The following ASB3 variants were observed in gnomAD, a reference collection of about 807,000 sequenced individuals.
ASB3 encodes ankyrin repeat and SOCS box protein 3.
Under a neutral mutation model 54.5 loss-of-function variants are expected in ASB3, and 41 were observed. The observed-to-expected ratio is 0.75, with a 90% confidence interval of 0.59 to 0.98. The LOEUF is 0.98. ASB3 is among the 50% of genes least tolerant of loss of function. ASB3 has a pLI of 0.00. For synonymous variants in ASB3, 266 were observed against 221.2 expected (o/e 1.20, Z -1.80); for missense variants, 733 against 620.0 (o/e 1.18, Z -1.94).
chr2:53,746,518 T>C (rs565091359), intron 3 of ASB3, among the ~76,000 whole-genome samples: 51 of 151,240 alleles, frequency 3.4e-4, no homozygotes, highest in African/African-American at 1.1e-3. Flanking sequence ...GTTATTGTTG[T>C]CCAAGCTGGA....
chr2:53,729,616 T>A (rs764080512), intron 3 of ASB3, 46 bp from the exon 4 acceptor site: 1 of 1,540,812 alleles, frequency 6.5e-7, no homozygotes. Context: ...AAAAGGCATG[T>A]TTGTAGGACT....
At chr2:53,678,274 A>T (rs562766590) in intron 9 of ASB3, among the ~76,000 whole-genome samples, 67 of 152,256 alleles carry the variant, frequency 4.4e-4, no homozygotes, top group Admixed American at 3.4e-3. Flanking sequence ...CTGCAGCTTT[A>T]TACCCTTTGA....
At chr2:53,745,579 T>C (rs1306892153) in intron 3 of ASB3, among the ~76,000 whole-genome samples, 1 of 152,166 alleles carries the variant, frequency 6.6e-6, no homozygotes, top group African/African-American at 2.4e-5. Context: ...CCAACACACC[T>C]CTCATGTCAA....
intron 1 of ASB3, among the ~76,000 whole-genome samples, chr2:53,784,839 C>G (rs924026793): frequency 2.0e-5 from 3 of 152,212 alleles, no homozygotes; most frequent in Non-Finnish European, 4.4e-5. Context: ...GGGGATAGGA[C>G]TTAAACATGT....
At chr2:53,772,165 T>C (rs767920225) in intron 1 of ASB3, among the ~76,000 whole-genome samples, 34 of 148,972 alleles carry the variant, frequency 2.3e-4, no homozygotes, top group Non-Finnish European at 2.2e-4. Context: ...ACAAATAGCA[T>C]GTAGTTTTCG....
chr2:53,784,156 T>A (rs966523156), intron 1 of ASB3, among the ~76,000 whole-genome samples: 1 of 152,254 alleles, frequency 6.6e-6, no homozygotes, highest in Non-Finnish European at 1.5e-5. Flanking sequence ...TAGCGAATGA[T>A]GATTGTATAA....
intron 5 of ASB3, among the ~76,000 whole-genome samples, chr2:53,720,666 A>C (rs983284313): frequency 2.0e-5 from 3 of 152,194 alleles, no homozygotes; most frequent in African/African-American, 7.2e-5. Flanking sequence ...ACAGCATTAG[A>C]CAGATCACTG....
chr2:53,704,813 T>C (rs1669681463), intron 7 of ASB3, among the ~76,000 whole-genome samples: 1 of 152,332 alleles, frequency 6.6e-6, no homozygotes, highest in East Asian at 1.9e-4. Context: ...AAACAAAGAT[T>C]CTGCATTTTA....
chr2:53,733,459 T>C (rs1457671945), intron 3 of ASB3, among the ~76,000 whole-genome samples: 1 of 143,868 alleles, frequency 7.0e-6, no homozygotes, highest in Non-Finnish European at 1.5e-5. Context: ...TTTTTTTTTT[T>C]AAGATGGATT....
chr2:53,733,964 T>A (rs1671471386), intron 3 of ASB3, among the ~76,000 whole-genome samples: 1 of 152,174 alleles, frequency 6.6e-6, no homozygotes, highest in Non-Finnish European at 1.5e-5. Flanking sequence ...AATAAAGGGA[T>A]GGGTTTGGCT....
intron 2 of ASB3, among the ~76,000 whole-genome samples, chr2:53,758,066 G>GA (rs1055189227): frequency 5.3e-5 from 8 of 152,104 alleles, no homozygotes; most frequent in Non-Finnish European, 1.0e-4. Context: ...AAGTAGTAAA[G>GA]AAAAAACAGT....
chr2:53,715,778 G>A (rs751995439), intron 6 of ASB3, among the ~76,000 whole-genome samples: 3 of 151,840 alleles, frequency 2.0e-5, no homozygotes, highest in Non-Finnish European at 2.9e-5. Flanking sequence ...GTCACCTAGT[G>A]GCATAATGAC....
At chr2:53,769,883 A>G (rs1673774483) in intron 1 of ASB3, among the ~76,000 whole-genome samples, 1 of 152,230 alleles carries the variant, frequency 6.6e-6, no homozygotes, top group African/African-American at 2.4e-5. Flanking sequence ...CTGATCACCT[A>G]AGACTCAGAA....
chr2:53,714,599 C>G lies in ASB3; in HGVS notation c.783-18G>C. ...CCAAGATTCTATAAATACACAAATT[C>G]AGGAGAATTTAGTGTTTGTATATGT... On this transcript the variant is annotated intron_variant, in intron 6 of 9. Coordinates refer to ENST00000263634, the MANE Select transcript of ASB3 (RefSeq NM_016115.5). 1 of 1,611,778 alleles carries G rather than the reference C, an allele frequency of 6.2e-7. No homozygotes were observed. Among genetic ancestry groups the G allele is most frequent in the Non-Finnish European group, 8.5e-7 (1 of 1,178,846 alleles).
At chr2:53,680,513 A>T (rs1275465602) in intron 9 of ASB3, among the ~76,000 whole-genome samples, 1 of 152,172 alleles carries the variant, frequency 6.6e-6, no homozygotes, top group Non-Finnish European at 1.5e-5. Context: ...ACTTTTTTTC[A>T]TATGATTGTT....
At chr2:53,690,141 T>G (rs1668832069) in intron 9 of ASB3, among the ~76,000 whole-genome samples, 1 of 151,730 alleles carries the variant, frequency 6.6e-6, no homozygotes, top group Admixed American at 6.6e-5. Flanking sequence ...GAGGCTGAGG[T>G]GGGAAGATTG....
chr2:53,716,270 G>T (rs1026393961), intron 6 of ASB3, among the ~76,000 whole-genome samples: 4 of 152,166 alleles, frequency 2.6e-5, no homozygotes, highest in Non-Finnish European at 4.4e-5. Flanking sequence ...AACTAGGGAG[G>T]AGGAGGCGGC....
chr2:53,702,408 T>C (rs1669540899), intron 7 of ASB3, among the ~76,000 whole-genome samples: 1 of 152,184 alleles, frequency 6.6e-6, no homozygotes, highest in Non-Finnish European at 1.5e-5. Flanking sequence ...TTATTACATG[T>C]CACTAAGCAC....
At chr2:53,708,238 C>A (rs955940936) in intron 7 of ASB3, among the ~76,000 whole-genome samples, 3 of 152,064 alleles carry the variant, frequency 2.0e-5, no homozygotes, top group Non-Finnish European at 4.4e-5. Context: ...AAGTGTGTGG[C>A]ACCTCCCACA....
Sources: gnomAD v4.1 joint callset for allele counts (sites outside exome capture counted in the v4.1 genomes callset) on GRCh38, gnomAD v4.1.1 for gene constraint, MANE v1.5 for transcripts, NCBI Gene and HGNC (gene_info 2026-07-23, HGNC 2026-07-21) for gene names.